ATG4C: variants seen among roughly 807,000 people sequenced by gnomAD.
The protein encoded by ATG4C is autophagy related 4C cysteine peptidase.
Under a neutral mutation model 57.6 loss-of-function variants are expected in ATG4C, and 56 were observed. The ratio of observed to expected loss-of-function variants is 0.97; its 90% CI spans 0.78 to 1.21. The LOEUF (loss-of-function observed/expected upper bound fraction) is 1.21. ATG4C is among the 50% of genes most tolerant of loss of function. The probability of loss-of-function intolerance (pLI) is 0.00; values close to 1 mark genes in which losing one functional copy is unlikely to be tolerated. For synonymous variants in ATG4C, 157 were observed against 174.1 expected, an observed-to-expected ratio of 0.90 and a Z score of 0.78; for missense variants, 595 against 529.8, an observed-to-expected ratio of 1.12 and a Z score of -1.21.
chr1:62,863,061 T>G (rs557008322), intron 10 of ATG4C, among the ~76,000 whole-genome samples: 1 of 152,178 alleles, frequency 6.6e-6, no homozygotes, highest in South Asian at 2.1e-4. Flanking sequence ...AATGTTTAAT[T>G]CATTTTTTAA....
chr1:62,848,999 T>A (rs1007347015), intron 10 of ATG4C, among the ~76,000 whole-genome samples: 1 of 152,216 alleles, frequency 6.6e-6, no homozygotes, highest in African/African-American at 2.4e-5. Context: ...TCTGTACAGT[T>A]TCATCATTAA....
chr1:62,821,101 G>A (rs1338054560), intron 5 of ATG4C, 38 bp from the exon 6 acceptor site: 1 of 1,505,246 alleles, frequency 6.6e-7, no homozygotes, highest in Non-Finnish European at 9.0e-7. Flanking sequence ...AATAGGAAAT[G>A]TTAGGATTTT....
chr1:62,828,612 T>C (rs1449737446), intron 6 of ATG4C, among the ~76,000 whole-genome samples: 1 of 152,226 alleles, frequency 6.6e-6, no homozygotes, highest in Non-Finnish European at 1.5e-5. Context: ...ATCTGTTTAC[T>C]ATTTTGATAG....
chr1:62,827,532 TC>T (rs1468357077), intron 6 of ATG4C, among the ~76,000 whole-genome samples: 1 of 152,212 alleles, frequency 6.6e-6, no homozygotes, highest in African/African-American at 2.4e-5. Flanking sequence ...CTCTATTTCC[TC>T]CATTAGCATG....
chr1:62,786,678 C>A (rs1269609361), intron 1 of ATG4C, among the ~76,000 whole-genome samples: 1 of 152,164 alleles, frequency 6.6e-6, no homozygotes, highest in Non-Finnish European at 1.5e-5. Context: ...ATTAACTAGA[C>A]ACTCTTCTAG....
chr1:62,853,255 G>A (rs1430941763), intron 10 of ATG4C, among the ~76,000 whole-genome samples: 3 of 151,966 alleles, frequency 2.0e-5, no homozygotes, highest in Non-Finnish European at 4.4e-5. Flanking sequence ...GAGCTTTCAG[G>A]TTGGAATCCC....
chr1:62,795,024 A>G (rs1467520783), intron 1 of ATG4C, among the ~76,000 whole-genome samples: 4 of 152,242 alleles, frequency 2.6e-5, no homozygotes, highest in East Asian at 3.8e-4. Context: ...AGCACATCCA[A>G]AATTCTAAAT....
chr1:62,833,320 T>G (rs1260453420), intron 7 of ATG4C, among the ~76,000 whole-genome samples: 2 of 152,152 alleles, frequency 1.3e-5, no homozygotes, highest in African/African-American at 4.8e-5. Flanking sequence ...CCACTAGACA[T>G]TTTAAACTTA....
At chr1:62,859,384 T>G (rs976881973) in intron 10 of ATG4C, among the ~76,000 whole-genome samples, 3 of 152,224 alleles carry the variant, frequency 2.0e-5, no homozygotes, top group Non-Finnish European at 4.4e-5. Context: ...GTTACTGTAC[T>G]GAATACTAGA....
chr1:62,826,039 C>G (rs989347641), intron 6 of ATG4C, among the ~76,000 whole-genome samples: 1 of 152,078 alleles, frequency 6.6e-6, no homozygotes, highest in Non-Finnish European at 1.5e-5. Flanking sequence ...TCCCAAGTAG[C>G]TGGGATTACA....
At chr1:62,844,997 T>A (rs1666286199) in intron 10 of ATG4C, among the ~76,000 whole-genome samples, 1 of 152,082 alleles carries the variant, frequency 6.6e-6, no homozygotes, top group African/African-American at 2.4e-5. Flanking sequence ...GTCATCTGGC[T>A]TGTTTCTGAG....
intron 6 of ATG4C, among the ~76,000 whole-genome samples, chr1:62,821,740 T>A (rs1418119500): frequency 3.3e-5 from 5 of 152,118 alleles, no homozygotes; most frequent in Non-Finnish European, 7.4e-5. Context: ...TCCGATTTTG[T>A]ATTTTTTGGA....
chr1:62,798,903 A>G (rs771985385), intron 1 of ATG4C, among the ~76,000 whole-genome samples: 1 of 152,084 alleles, frequency 6.6e-6, no homozygotes, highest in Non-Finnish European at 1.5e-5. Context: ...TTGGCCTCCT[A>G]AAGTGCTGGG....
chr1:62,797,064 C>T (rs967799256), intron 1 of ATG4C, among the ~76,000 whole-genome samples: 2 of 151,590 alleles, frequency 1.3e-5, no homozygotes, highest in African/African-American at 4.9e-5. Flanking sequence ...GCTGAGATCG[C>T]ACCATTGCAC....
chr1:62,833,617 A>G (rs116696733), intron 7 of ATG4C, among the ~76,000 whole-genome samples: 1,606 of 152,276 alleles, frequency 0.011, 48 homozygotes, highest in African/African-American at 0.036. Flanking sequence ...TCAAGGTTCA[A>G]TGAAAACAGC....
chr1:62,788,875 T>C (rs1048419062), intron 1 of ATG4C, among the ~76,000 whole-genome samples: 2 of 152,030 alleles, frequency 1.3e-5, no homozygotes, highest in African/African-American at 2.4e-5. Context: ...TTTTTTTTTC[T>C]TTTTTCTTTT....
intron 2 of ATG4C, 46 bp downstream of exon 2, chr1:62,803,908 G>A: frequency 8.1e-7 from 1 of 1,233,462 alleles, no homozygotes; most frequent in South Asian, 1.4e-5. Context: ...AGAAATATTT[G>A]ACAATATTTA....
chr1:62,808,935 T>C (rs1042397929), intron 3 of ATG4C, among the ~76,000 whole-genome samples: 2 of 145,990 alleles, frequency 1.4e-5, no homozygotes, highest in African/African-American at 2.5e-5. Context: ...GAAAAACTTA[T>C]TTTTTAGATT....
chr1:62,847,084 C>T (rs1030426835), intron 10 of ATG4C, among the ~76,000 whole-genome samples: 5 of 151,998 alleles, frequency 3.3e-5, no homozygotes, highest in African/African-American at 1.2e-4. Flanking sequence ...GGCTGAGGCA[C>T]GAAAATCACT....
Sources: allele counts gnomAD v4.1 joint callset (sites outside exome capture counted in the v4.1 genomes callset), GRCh38; gene constraint gnomAD v4.1.1; transcripts MANE v1.5; gene names NCBI Gene and HGNC (gene_info 2026-07-23, HGNC 2026-07-21).